The following GLI3 variants were observed in gnomAD, a reference collection of about 807,000 sequenced individuals.
GLI3 encodes transcription activator GLI3.
A neutral mutation model predicts 100.8 loss-of-function variants in GLI3; 20 were observed. The observed-to-expected ratio is 0.20, with a 90% CI of 0.14 to 0.29. The LOEUF (loss-of-function observed/expected upper bound fraction) is 0.29. GLI3 is among the 10% of genes least tolerant of loss of function. The pLI is 1.00. For synonymous variants in GLI3, 938 were observed against 860.5 expected (o/e 1.09, Z -1.58); for missense variants, 2,040 against 2,128.5 (o/e 0.96, Z 0.82).
intron 2 of GLI3, among the ~76,000 whole-genome samples, chr7:42,205,922 C>A (rs1432169893): frequency 6.6e-6 from 1 of 152,078 alleles, no homozygotes. Context: ...CTTCCCACAG[C>A]CAATATAATT....
chr7:41,967,597 A>G lies in GLI3; in HGVS notation c.2430T>C (p.Asn810=). 6.2e-7 allele frequency: 1 copy of G among 1,609,524 alleles called. No homozygotes were observed. The highest frequency in any genetic ancestry group is 8.5e-7 in the Non-Finnish European group (1 of 1,176,394). ...TGCATGGTCTGATGTAGAACTCACCATTTCCTATGAGAGGAGAGACCGCAG... is the reference window on the plus strand; with the variant it reads ...TGCATGGTCTGATGTAGAACTCACCGTTTCCTATGAGAGGAGAGACCGCAG... ...KAPAVSPLIG[N]GTQSNNTCSL... The change falls in exon 14 of 15, where the codon AAT becomes AAC. Residue 810 remains asparagine (N), a splice_region_variant and synonymous_variant. Transcript: ENST00000395925.
At chr7:42,118,582 G>A (rs547246647) in intron 3 of GLI3, among the ~76,000 whole-genome samples, 342 of 152,236 alleles carry the variant, frequency 2.2e-3, no homozygotes, top group Non-Finnish European at 2.6e-3. Context: ...TCGCTCTTAA[G>A]CATCCCAAAC....
upstream of GLI3, among the ~76,000 whole-genome samples, chr7:42,238,034 C>T (rs1228256067): frequency 6.9e-6 from 1 of 144,888 alleles, no homozygotes; most frequent in African/African-American, 2.7e-5. Context: ...TTCTCCTCCT[C>T]CTCCTCCTCC....
chr7:42,167,818 A>C (rs1583616250), intron 2 of GLI3, among the ~76,000 whole-genome samples: 1 of 152,350 alleles, frequency 6.6e-6, no homozygotes, highest in East Asian at 1.9e-4. Context: ...AAAATCAGAC[A>C]TAAAGCTGGT....
chr7:42,214,745 T>A (rs964531964), intron 2 of GLI3, among the ~76,000 whole-genome samples: 5 of 151,842 alleles, frequency 3.3e-5, no homozygotes, highest in African/African-American at 1.2e-4. Context: ...AATTTTCTCA[T>A]GTAATTAATT....
intron 12 of GLI3, among the ~76,000 whole-genome samples, chr7:41,975,592 A>G (rs1787486955): frequency 2.0e-5 from 3 of 152,202 alleles, no homozygotes; most frequent in Admixed American, 2.0e-4. Flanking sequence ...ACTACCCAAG[A>G]TATCCTTATC....
At chr7:42,007,703 CA>C (rs1011291431) in intron 10 of GLI3, among the ~76,000 whole-genome samples, 3 of 152,046 alleles carry the variant, frequency 2.0e-5, no homozygotes, top group Admixed American at 6.5e-5. Flanking sequence ...GGAATGGTTA[CA>C]TCAAAATGAA....
At chr7:42,262,940 GA>G (rs200212994) in intron 1 of GLI3, among the ~76,000 whole-genome samples, 3,980 of 145,584 alleles carry the variant, frequency 0.027, 67 homozygotes, top group South Asian at 0.044. Context: ...AGGCAAACCA[GA>G]ATATCTGCAC....
intron 3 of GLI3, among the ~76,000 whole-genome samples, chr7:42,147,127 G>A (rs145618565): frequency 5.9e-5 from 9 of 152,248 alleles, no homozygotes; most frequent in South Asian, 4.1e-4. Flanking sequence ...GAGGTGGTGC[G>A]GGGTAGCGGT....
chr7:42,233,899 T>C (rs1172332342), intron 1 of GLI3, among the ~76,000 whole-genome samples: 1 of 152,216 alleles, frequency 6.6e-6, no homozygotes, highest in African/African-American at 2.4e-5. Context: ...TGTGTGTGTG[T>C]GTCCTATAAA....
At chr7:41,983,096 C>T (rs1311998202) in intron 10 of GLI3, among the ~76,000 whole-genome samples, 1 of 152,156 alleles carries the variant, frequency 6.6e-6, no homozygotes, top group Non-Finnish European at 1.5e-5. Context: ...AAAAACCATT[C>T]TTAGCTCATA....
intron 3 of GLI3, among the ~76,000 whole-genome samples, chr7:42,131,979 C>T (rs1382039169): frequency 6.6e-6 from 1 of 152,016 alleles, no homozygotes; most frequent in Non-Finnish European, 1.5e-5. Context: ...ACCAAAAGAA[C>T]TAAAACAAAA....
intron 1 of GLI3, among the ~76,000 whole-genome samples, chr7:42,233,888 A>ATG (rs144233032): frequency 3.9e-5 from 6 of 151,910 alleles, no homozygotes; most frequent in African/African-American, 7.3e-5. Flanking sequence ...ACGTGTGTGT[A>ATG]TGTGTGTGTG....
chr7:42,122,870 T>C (rs1428980572), intron 3 of GLI3, among the ~76,000 whole-genome samples: 6 of 152,364 alleles, frequency 3.9e-5, no homozygotes, highest in African/African-American at 1.2e-4. Context: ...TGAAAAGTTA[T>C]TGAATGCAGA....
In GLI3 at chr7:42,168,620, A is replaced by G. The variant is rs190626368; in HGVS notation, c.125-20152T>C. On this transcript the variant is annotated intron_variant, in intron 2 of 14. Coordinates refer to ENST00000395925, the MANE Select transcript of GLI3 (RefSeq NM_000168.6). Reference sequence around the variant, plus strand: ...AGACACAAAAAGAAAACAAATCTATAAAGTTCGAAAACAGGCCGAGCACAG... The same window carrying G: ...AGACACAAAAAGAAAACAAATCTATGAAGTTCGAAAACAGGCCGAGCACAG... Among the ~76,000 whole-genome samples the G allele has an allele frequency of 3.5e-4, 53 of 152,278 alleles. 1 individual carries two copies. In the East Asian group the frequency reaches 8.9e-3, roughly 26 times the overall value.
At chr7:41,996,969 T>A (rs1021137501) in intron 10 of GLI3, among the ~76,000 whole-genome samples, 6 of 152,236 alleles carry the variant, frequency 3.9e-5, no homozygotes, top group Admixed American at 1.3e-4. Context: ...CTCCTTGATT[T>A]CCTGTGCAAG....
At chr7:42,047,436 C>T (rs1473158373) in intron 5 of GLI3, among the ~76,000 whole-genome samples, 6 of 152,130 alleles carry the variant, frequency 3.9e-5, no homozygotes, top group Non-Finnish European at 8.8e-5. Flanking sequence ...AAATGAAATG[C>T]CTGGTGTTTC....
intron 2 of GLI3, among the ~76,000 whole-genome samples, chr7:42,180,974 T>C (rs59060248): frequency 0.099 from 15,079 of 152,206 alleles, 2,511 homozygotes; most frequent in African/African-American, 0.34. Context: ...GCAAAGCTTT[T>C]TTTGTCAAAG....
intron 3 of GLI3, among the ~76,000 whole-genome samples, chr7:42,147,158 C>G (rs373388543): frequency 9.5e-4 from 144 of 152,170 alleles, no homozygotes; most frequent in Middle Eastern, 6.8e-3. Context: ...TAAGGTTATG[C>G]GAGGCCCTTT....
Sources: allele counts gnomAD v4.1 joint callset (sites outside exome capture counted in the v4.1 genomes callset), GRCh38; gene constraint gnomAD v4.1.1; transcripts MANE v1.5; gene names NCBI Gene and HGNC (gene_info 2026-07-23, HGNC 2026-07-21).